The following SYN1 variants were observed in gnomAD, a reference collection of about 807,000 sequenced individuals.
The protein encoded by SYN1 is synapsin I.
In SYN1, 8 loss-of-function variants were observed where a neutral mutation model predicts 44.6. The observed-to-expected ratio is 0.18, with a 90% CI of 0.11 to 0.32. The LOEUF is 0.32. Ranked by LOEUF, SYN1 falls within the 10% of genes least tolerant of loss-of-function variation. SYN1 has a pLI of 1.00. For synonymous variants in SYN1, 275 were observed against 280.1 expected, an observed-to-expected ratio of 0.98 and a Z score of 0.18; for missense variants, 451 against 639.4, an observed-to-expected ratio of 0.71 and a Z score of 3.18.
intron 1 of SYN1, among the ~76,000 whole-genome samples, chrX:47,613,666 G>A (rs935506710): frequency 8.9e-6 from 1 of 111,912 alleles, no homozygotes; most frequent in Non-Finnish European, 1.9e-5. Context: ...TTATAGCAAA[G>A]TAAAGGAATG....
At chrX:47,612,269 T>G (rs2057918647) in intron 1 of SYN1, among the ~76,000 whole-genome samples, 1 of 110,835 alleles carries the variant, frequency 9.0e-6, no homozygotes. Flanking sequence ...TGGGCCCTGA[T>G]AGAGACAGAA....
chrX:47,603,902 A>T (rs2057887202), intron 5 of SYN1, among the ~76,000 whole-genome samples: 1 of 82,977 alleles, frequency 1.2e-5, no homozygotes, highest in Admixed American at 1.3e-4. Context: ...ATATATATAT[A>T]TATATTTTTT....
intron 12 of SYN1, 150 bp downstream of exon 12, chrX:47,573,852 G>T: frequency 2.0e-6 from 1 of 487,877 alleles, no homozygotes; most frequent in Non-Finnish European, 3.0e-6. Flanking sequence ...GCGAAAGCTT[G>T]GGGGAAGGGC....
chrX:47,610,039 T>C (rs1429823954), intron 1 of SYN1, among the ~76,000 whole-genome samples: 1 of 111,567 alleles, frequency 9.0e-6, no homozygotes, highest in Non-Finnish European at 1.9e-5. Context: ...ATTGAGTAGC[T>C]GAAGAAAGAC....
intron 5 of SYN1, among the ~76,000 whole-genome samples, chrX:47,579,225 C>T (rs746106234): frequency 1.8e-5 from 2 of 111,443 alleles, no homozygotes; most frequent in Non-Finnish European, 3.8e-5. Flanking sequence ...TTCTAGGTGC[C>T]TCTTTTCGTT....
intron 9 of SYN1, among the ~76,000 whole-genome samples, chrX:47,575,501 G>A (rs771212596): frequency 3.6e-4 from 40 of 112,473 alleles, no homozygotes; most frequent in East Asian, 2.8e-4. Context: ...CAACCTGGCC[G>A]ACCACCTGGT....
intron 1 of SYN1, among the ~76,000 whole-genome samples, chrX:47,608,886 G>GACACACACAC (rs34092010): frequency 2.6e-4 from 23 of 89,552 alleles, no homozygotes; most frequent in South Asian, 1.1e-3. Flanking sequence ...GTCTTGGACA[G>GACACACACAC]ACACACACAC....
intron 5 of SYN1, among the ~76,000 whole-genome samples, chrX:47,597,401 G>A (rs1363661545): frequency 9.1e-6 from 1 of 109,501 alleles, no homozygotes; most frequent in Non-Finnish European, 1.9e-5. Context: ...AAATTCACTA[G>A]AGGGGATCAA....
At chrX:47,585,307 C>G in intron 5 of SYN1, 1 of 1,211,769 alleles carries the variant, frequency 8.3e-7, no homozygotes, top group Non-Finnish European at 1.1e-6. Context: ...GTCCCACAAC[C>G]GCAGCGAGGA....
At position 47,574,195 on chromosome X, in the gene SYN1, G is replaced by C; in HGVS notation, c.1789C>G (p.Pro597Ala). 1 of 1,067,940 alleles carries C rather than the reference G, an allele frequency of 9.4e-7. No individual in the cohort carries two copies. Among genetic ancestry groups the C allele is most frequent in the Non-Finnish European group, 1.2e-6 (1 of 832,450 alleles). 88.0% of individuals were successfully genotyped at this position (1,067,940 alleles called of 1,213,427 possible). ...RQGPPQKPPGPAGPTRQASQA... is the reference protein window; with the variant it reads ...RQGPPQKPPGAAGPTRQASQA... ...CTGGCCTGGCGTGTGGGGCCGGCTG[G>C]GCCTGGGGGTTTCTGGGGCGGGCCC... Residue 597 changes from proline (P) to alanine (A), a missense_variant, in exon 12 of 13, where the codon CCA becomes GCA. By Grantham distance (27) the Pro-to-Ala change is conservative. Coordinates refer to ENST00000295987, the MANE Select transcript of SYN1 (RefSeq NM_006950.3).
chrX:47,576,512 G>A lies in SYN1; in HGVS notation c.966C>T (p.Asn322=). Residue 322 remains asparagine, a synonymous_variant, in exon 7 of 13, where the codon AAC becomes AAT. Transcript: ENST00000295987. ...TCTCCACTCACATGTAGGCCTTGTAGTTCTGCCCAATCTTCTGGACACGCA... is the reference window on the plus strand; with the variant it reads ...TCTCCACTCACATGTAGGCCTTGTAATTCTGCCCAATCTTCTGGACACGCA... ...YDVRVQKIGQ[N]YKAYMRTSVS... is the part of the protein sequence containing the mutation. The A allele has an allele frequency of 8.3e-7, 1 of 1,212,099 alleles. No homozygotes were observed. The highest frequency in any genetic ancestry group is 1.1e-6 in the Non-Finnish European group (1 of 895,613).
rs1391622247 is a variant in SYN1 at position 47,574,017 on chromosome X, G to A, written c.1967C>T (p.Pro656Leu). 3.5e-6 allele frequency: 4 copies of A among 1,146,013 alleles called. No individual in the cohort carries two copies. The highest frequency in any genetic ancestry group is 4.6e-6 in the Non-Finnish European group (4 of 868,145). 94.4% of individuals were successfully genotyped at this position (1,146,013 alleles called of 1,213,427 possible). A position where few individuals can be genotyped will look rare whatever the true frequency, so the allele number is the denominator to read the frequency against. The change falls in exon 12 of 13, where the codon CCG becomes CTG. Residue 656 changes from proline to leucine, a missense_variant. Physicochemically the swap from Pro to Leu is moderately conservative, Grantham distance 98 (BLOSUM62 -3). Coordinates refer to ENST00000295987, the MANE Select transcript of SYN1 (RefSeq NM_006950.3). ...PPATAAAGGP[P>L]HPQLNKSQSL... is the part of the protein sequence containing the mutation. ...GTCCCCTTACTTGAGCTGGGGGTGC[G>A]GAGGTCCCCCTGCAGCGGCGGTGGC...
intron 5 of SYN1, among the ~76,000 whole-genome samples, chrX:47,593,052 T>TTTTTG (rs1556859675): frequency 9.2e-6 from 1 of 108,859 alleles, no homozygotes; most frequent in Non-Finnish European, 1.9e-5. Flanking sequence ...TTTTGTGTTT[T>TTTTTG]TTTTGTTTTG....
intron 6 of SYN1, 131 bp downstream of exon 6, chrX:47,577,308 G>T: frequency 1.4e-6 from 1 of 709,589 alleles, no homozygotes; most frequent in Non-Finnish European, 2.2e-6. Context: ...CATAAGAACT[G>T]GCAAAACCCG....
At chrX:47,591,669 C>A (rs913839619) in intron 5 of SYN1, among the ~76,000 whole-genome samples, 21 of 107,118 alleles carry the variant, frequency 2.0e-4, no homozygotes, top group African/African-American at 7.2e-4. Context: ...TGCAGTGAGC[C>A]AAGATCGCGC....
chrX:47,586,851 C>T, intron 5 of SYN1: 1 of 659,466 alleles, frequency 1.5e-6, no homozygotes, highest in South Asian at 3.3e-5. Flanking sequence ...GGTGTGAGCA[C>T]CCTGGGACCA....
intron 5 of SYN1, among the ~76,000 whole-genome samples, chrX:47,578,670 C>A (rs1254420476): frequency 9.0e-6 from 1 of 111,560 alleles, no homozygotes; most frequent in Non-Finnish European, 1.9e-5. Context: ...CCAGGTTGGA[C>A]GGCCCTAGGC....
chrX:47,581,767 T>C (rs760228080), intron 5 of SYN1, among the ~76,000 whole-genome samples: 2 of 112,033 alleles, frequency 1.8e-5, no homozygotes, highest in South Asian at 3.7e-4. Context: ...GTAGGTGCTG[T>C]ATAAATGCCG....
chrX:47,572,570 G>A lies in SYN1; in HGVS notation c.*294C>T. On this transcript the variant is annotated 3_prime_UTR_variant, in exon 13 of 13. Transcript: ENST00000295987. ...TCCAGGAAGGAAAACGCCCTCTGGG[G>A]AAACCAGGGGCGGAGGTCTTCAGGA... 1 of 282,806 alleles carries A rather than the reference G, an allele frequency of 3.5e-6. No individual in the cohort carries two copies. Among genetic ancestry groups the A allele is most frequent in the Non-Finnish European group, 6.3e-6 (1 of 158,146 alleles). The allele number at this position is 282,806 out of a possible 1,213,427, so 23.3% of individuals were successfully genotyped here.
Sources: gnomAD v4.1 joint callset for allele counts (sites outside exome capture counted in the v4.1 genomes callset) on GRCh38, gnomAD v4.1.1 for gene constraint, MANE v1.5 for transcripts, NCBI Gene and HGNC (gene_info 2026-07-23, HGNC 2026-07-21) for gene names.